The following DHX35 variants were observed in gnomAD, a reference collection of about 807,000 sequenced individuals.
The protein encoded by DHX35 is probable ATP-dependent RNA helicase DHX35.
In DHX35, 84 loss-of-function variants were observed where a neutral mutation model predicts 99.6. The observed-to-expected ratio is 0.84, with a 90% CI of 0.71 to 1.01. DHX35 has a LOEUF of 1.01. Among genes scored for constraint, DHX35 ranks in the 50% least tolerant of loss-of-function variants. The probability of loss-of-function intolerance (pLI) is 0.00; values close to 1 mark genes in which losing one functional copy is unlikely to be tolerated. For synonymous variants in DHX35, 331 were observed against 316.2 expected (o/e 1.05, Z -0.50); for missense variants, 852 against 888.5 (o/e 0.96, Z 0.52).
chr20:39,030,757 C>T lies in DHX35; in HGVS notation c.1937C>T (p.Ala646Val), dbSNP rs1203033714. 6.2e-7 allele frequency: 1 copy of T among 1,614,160 alleles called. No homozygotes were observed. Among genetic ancestry groups the T allele is most frequent in the Non-Finnish European group, 8.5e-7 (1 of 1,180,032 alleles). Residue 646 changes from alanine (A) to valine (V), a missense_variant, in exon 20 of 22, where the codon GCA becomes GTA. Physicochemically the swap from Ala to Val is moderately conservative, Grantham distance 64. Coordinates refer to ENST00000252011, the MANE Select transcript of DHX35 (RefSeq NM_021931.4). ...ATACACCCTGCGTCAGTCCTCTATGCAGAGAAGCCGCCTCGCTGGTAAGCT... is the reference window on the plus strand; with the variant it reads ...ATACACCCTGCGTCAGTCCTCTATGTAGAGAAGCCGCCTCGCTGGTAAGCT... ...LHIHPASVLYAEKPPRWVIYN... is the reference protein window; with the variant it reads ...LHIHPASVLYVEKPPRWVIYN...
rs757176996 is a variant in DHX35, at chr20:39,003,863, G to A, written c.967G>A (p.Glu323Lys). 1.2e-6 allele frequency: 2 copies of A among 1,614,022 alleles called. No individual in the cohort carries two copies. Among genetic ancestry groups the A allele is most frequent in the African/African-American group, 2.7e-5 (2 of 74,900 alleles). Residue 323 changes from glutamate (E) to lysine (K), a missense_variant, in exon 11 of 22, where the codon GAG becomes AAG. Physicochemically the swap from Glu to Lys is moderately conservative, Grantham distance 56 (BLOSUM62 1). Transcript: ENST00000252011. ...LPMYAGLPSF[E>K]QMKVFERVSR... ...CATGTATGCAGGACTGCCTTCCTTT[G>A]AGCAAATGAAAGTGTTTGAAAGGGT...
rs535549646 is a variant in DHX35 at position 39,002,046 on chromosome 20, C to G, written c.755+204C>G. Among the ~76,000 whole-genome samples the G allele has an allele frequency of 3.3e-5, 5 of 152,288 alleles. No individual in the cohort carries two copies. In the East Asian group the frequency reaches 9.6e-4, roughly 29 times the overall value. On this transcript the variant is annotated intron_variant, in intron 9 of 21. Transcript: ENST00000252011. ...CTGTTCACACTGACATGCAAGTTTCCGTAAGTCTGTGGCCAGTAGCTCAGC... is the reference window on the plus strand; with the variant it reads ...CTGTTCACACTGACATGCAAGTTTCGGTAAGTCTGTGGCCAGTAGCTCAGC...
chr20:39,021,888 C>T lies in DHX35; in HGVS notation c.1546C>T (p.Gln516Ter), dbSNP rs2086877899. 2 of 1,614,156 alleles carry T rather than the reference C, an allele frequency of 1.2e-6. No homozygotes were observed. Among genetic ancestry groups the T allele is most frequent in the South Asian group, 2.2e-5 (2 of 91,074 alleles). The change falls in exon 16 of 22, where the codon CAG (glutamine) becomes TAG (stop). Residue 516 changes from glutamine to a stop codon, truncating the protein, a stop_gained. Transcript: ENST00000252011. LOFTEE classifies it high-confidence loss of function. ...QEILSIAAMM[Q>*]IQNIFVVPPN... is the part of the protein sequence containing the mutation. ...AATTCTAAGCATCGCTGCCATGATG[C>T]AGATCCAGAATATCTTTGTGGTCCC...
chr20:38,986,074 T>C (rs1271109345), intron 4 of DHX35, among the ~76,000 whole-genome samples: 2 of 152,236 alleles, frequency 1.3e-5, no homozygotes, highest in Admixed American at 1.3e-4. Flanking sequence ...TTCAGTTTCC[T>C]CATTTGTAAA....
In DHX35 at chr20:39,003,655, G is replaced by A. The variant is rs1426252856; in HGVS notation, c.853-94G>A. 4.8e-6 allele frequency: 7 copies of A among 1,462,026 alleles called. No individual in the cohort carries two copies. In the Admixed American group the frequency reaches 1.4e-4, roughly 29 times the overall value. The allele number at this position is 1,462,026 out of a possible 1,614,324, so 90.6% of individuals were successfully genotyped here. On this transcript the variant is annotated intron_variant, in intron 10 of 21. Coordinates refer to ENST00000252011, the MANE Select transcript of DHX35 (RefSeq NM_021931.4). ...ATTCTTGAATCTGACCAAAATTAAA[G>A]TCCAGATCCCAACTTTTATTTTCTT...
chr20:38,988,367 C>A (rs867415697), intron 4 of DHX35, among the ~76,000 whole-genome samples: 1 of 152,126 alleles, frequency 6.6e-6, no homozygotes, highest in Non-Finnish European at 1.5e-5. Flanking sequence ...TGGTGGCTCA[C>A]GCCTGTAATC....
intron 17 of DHX35, among the ~76,000 whole-genome samples, chr20:39,024,660 A>G (rs751394893): frequency 1.1e-4 from 16 of 152,114 alleles, no homozygotes; most frequent in Non-Finnish European, 2.2e-4. Context: ...TATTAATTAC[A>G]TTTTCTTTTT....
intron 12 of DHX35, 146 bp downstream of exon 12, chr20:39,006,502 C>T: frequency 1.2e-6 from 1 of 848,006 alleles, no homozygotes; most frequent in Non-Finnish European, 1.8e-6. Flanking sequence ...ATCCCCACTG[C>T]TTTCCTCACT....
At chr20:39,018,774 T>G (rs2086826763) in intron 14 of DHX35, 30 bp from the exon 15 acceptor site, 1 of 1,605,044 alleles carries the variant, frequency 6.2e-7, no homozygotes, top group East Asian at 2.2e-5. Flanking sequence ...GGTACCTGCC[T>G]TCTGATTTCT....
At chr20:38,994,777 A>C (rs1191221359) in intron 7 of DHX35, 44 bp from the exon 8 acceptor site, 1 of 1,472,446 alleles carries the variant, frequency 6.8e-7, no homozygotes, top group East Asian at 2.3e-5. Context: ...CTCATCCATA[A>C]GTGTTGCACT....
At chr20:39,026,407 G>C (rs910820016) in intron 18 of DHX35, among the ~76,000 whole-genome samples, 1 of 152,134 alleles carries the variant, frequency 6.6e-6, no homozygotes, top group Non-Finnish European at 1.5e-5. Context: ...AAACAATGAC[G>C]GAGTCTTGGC....
chr20:39,031,333 CTT>C (rs111833262), intron 20 of DHX35, among the ~76,000 whole-genome samples: 22 of 131,664 alleles, frequency 1.7e-4, no homozygotes, highest in Admixed American at 1.5e-4. Flanking sequence ...GCTCACGGTT[CTT>C]TTTTTTTTTT....
chr20:39,029,446 C>A (rs1024059943), intron 19 of DHX35: 1 of 150,372 alleles, frequency 6.7e-6, no homozygotes, highest in Non-Finnish European at 1.5e-5. Flanking sequence ...TCCTAGTAGC[C>A]GACTGTTGGA....
At chr20:39,031,055 G>A (rs1002968118) in intron 20 of DHX35, among the ~76,000 whole-genome samples, 6 of 152,042 alleles carry the variant, frequency 3.9e-5, no homozygotes, top group Admixed American at 2.0e-4. Context: ...TGAGCTACTC[G>A]GGAGGCTGAG....
intron 3 of DHX35, among the ~76,000 whole-genome samples, chr20:38,977,240 A>T (rs976022807): frequency 2.6e-5 from 4 of 152,110 alleles, no homozygotes; most frequent in Non-Finnish European, 5.9e-5. Context: ...TTTTCTCCAC[A>T]TTCTTGTCAA....
intron 18 of DHX35, among the ~76,000 whole-genome samples, chr20:39,027,085 C>T (rs1158596013): frequency 3.9e-5 from 6 of 152,166 alleles, no homozygotes; most frequent in Non-Finnish European, 7.3e-5. Context: ...CCCCCTGCCT[C>T]CAAGAACCAG....
Position 39,038,639 on chromosome 20 carries a change from G to T in DHX35, c.*96G>T. On this transcript the variant is annotated 3_prime_UTR_variant, in exon 22 of 22. Coordinates refer to ENST00000252011, the MANE Select transcript of DHX35 (RefSeq NM_021931.4). ...GTGGGGTGAGCTGGCACCAGCTCCT[G>T]TGGAATGTTTGGTTGCTCTGAAGTG... is the stretch of plus-strand genomic sequence containing the variant. The T allele has an allele frequency of 1.5e-6, 2 of 1,319,490 alleles. No individual in the cohort carries two copies. Among genetic ancestry groups the T allele is most frequent in the South Asian group, 1.2e-5 (1 of 80,508 alleles). 81.7% of individuals were successfully genotyped at this position (1,319,490 alleles called of 1,614,324 possible).
At chr20:39,004,045 A>C in intron 11 of DHX35, 138 bp downstream of exon 11, 1 of 974,106 alleles carries the variant, frequency 1.0e-6, no homozygotes, top group Non-Finnish European at 1.5e-6. Flanking sequence ...AAAAGCACAC[A>C]ATAAATAATA....
At chr20:38,980,511 GTT>G (rs397953645) in intron 3 of DHX35, among the ~76,000 whole-genome samples, 2 of 136,970 alleles carry the variant, frequency 1.5e-5, no homozygotes, top group African/African-American at 2.7e-5. Flanking sequence ...TTATAGTTCT[GTT>G]TTTTTTTTTT....
Sources: allele counts gnomAD v4.1 joint callset (sites outside exome capture counted in the v4.1 genomes callset), GRCh38; gene constraint gnomAD v4.1.1; transcripts MANE v1.5; gene names NCBI Gene and HGNC (gene_info 2026-07-23, HGNC 2026-07-21).